The following FLII variants were observed in gnomAD, a reference collection of about 807,000 sequenced individuals.
The protein encoded by FLII is protein flightless-1 homolog.
A neutral mutation model predicts 156.2 loss-of-function variants in FLII; 101 were observed. The observed-to-expected ratio is 0.65, with a 90% CI of 0.55 to 0.76. The LOEUF is 0.76. Among genes scored for constraint, FLII ranks in the 30% least tolerant of loss-of-function variants. The pLI is 0.00. For missense variants in FLII, 1,675 were observed against 1,682.8 expected, an observed-to-expected ratio of 1.00 and a Z score of 0.08; for synonymous variants, 767 against 685.8, an observed-to-expected ratio of 1.12 and a Z score of -1.85.
Position 18,245,475 on chromosome 17 carries a change from C to T in FLII, c.3610-56G>A, listed in dbSNP as rs1180259953. 2.5e-6 allele frequency: 4 copies of T among 1,612,508 alleles called. No homozygotes were observed. The East Asian group carries it at 6.7e-5, about 27-fold the overall frequency. Reference sequence around the variant, plus strand: ...ATGGGTGCCTGGGAACAGCCCCTTGCTCCTGGCCCGAGAATTCCCATTTGT... The same window carrying T: ...ATGGGTGCCTGGGAACAGCCCCTTGTTCCTGGCCCGAGAATTCCCATTTGT... On this transcript the variant is annotated intron_variant, in intron 28 of 29. Coordinates refer to ENST00000327031, the MANE Select transcript of FLII (RefSeq NM_002018.4).
chr17:18,249,157 A>G lies in FLII; in HGVS notation c.1904T>C (p.Val635Ala), dbSNP rs770997341. ...YGKKNIKLEP[V>A]PLKGTSLDPR... ...GTCCAGAGAGGTCCCCTTGAGGGGCACAGGCTCCAACTTGATGTTCTTTTT... is the reference window on the plus strand; with the variant it reads ...GTCCAGAGAGGTCCCCTTGAGGGGCGCAGGCTCCAACTTGATGTTCTTTTT... Residue 635 changes from valine (V) to alanine (A), a missense_variant, in exon 16 of 30, where the codon GTG becomes GCG. This residue lies in a region of FLII where 1,332 missense variants were observed against 1,269.3 expected (regional missense o/e 1.05). Coordinates refer to ENST00000327031, the MANE Select transcript of FLII (RefSeq NM_002018.4). 6.2e-7 allele frequency: 1 copy of G among 1,614,180 alleles called. No individual in the cohort carries two copies. The highest frequency in any genetic ancestry group is 8.5e-7 in the Non-Finnish European group (1 of 1,180,036).
At position 18,255,091 on chromosome 17, in the gene FLII, A is replaced by T. The variant is rs180701774; in HGVS notation, c.327+92T>A. The T allele has an allele frequency of 4.1e-4, 450 of 1,110,892 alleles. 2 individuals carry two copies. In the African/African-American group the frequency reaches 4.9e-3, roughly 12 times the overall value. The allele number at this position is 1,110,892 out of a possible 1,614,324, so 68.8% of individuals were successfully genotyped here. A position where few individuals can be genotyped will look rare whatever the true frequency, so the allele number is the denominator to read the frequency against. Reference sequence around the variant, plus strand: ...AAGACTCAGTTTTCCCATCTGCAAAATGGGATAACAATGGCCCCAGGGACT... The same window carrying T: ...AAGACTCAGTTTTCCCATCTGCAAATTGGGATAACAATGGCCCCAGGGACT... On this transcript the variant is annotated intron_variant, in intron 4 of 29. Transcript: ENST00000327031.
At position 18,256,587 on chromosome 17, in the gene FLII, G is replaced by C; in HGVS notation, c.185C>G (p.Ser62Cys). ...LAALQKLEHL[S>C]VSHNNLTTLH... is the part of the protein sequence containing the mutation. ...CGTGGTCAGGTTGTTGTGGCTCACAGACAAGTGTTCCTGGGCCGGAATGGG... is the reference window on the plus strand; with the variant it reads ...CGTGGTCAGGTTGTTGTGGCTCACACACAAGTGTTCCTGGGCCGGAATGGG... The change falls in exon 3 of 30, where the codon TCT becomes TGT. Residue 62 changes from serine (S) to cysteine (C), a missense_variant. By Grantham distance (112) the Ser-to-Cys change is moderately radical. This residue lies in a region of FLII where 343 missense variants were observed against 413.5 expected (regional missense o/e 0.83). Transcript: ENST00000327031. 6.4e-7 allele frequency: 1 copy of C among 1,551,638 alleles called. No homozygotes were observed. Among genetic ancestry groups the C allele is most frequent in the African/African-American group, 1.4e-5 (1 of 73,192 alleles).
Position 18,251,727 on chromosome 17 carries a change from G to A in FLII, c.1336C>T (p.Leu446=), listed in dbSNP as rs1179951069. 3.1e-6 allele frequency: 5 copies of A among 1,613,932 alleles called. No homozygotes were observed. Among genetic ancestry groups the A allele is most frequent in the African/African-American group, 1.3e-5 (1 of 74,926 alleles). ...TGGGCAACATCTGACATGCCCTTCA[G>A]CACCTGCTTGGCCTGGTCATCCTGG... is the stretch of plus-strand genomic sequence containing the variant. ...SAQDDQAKQV[L]KGMSDVAQEK... Residue 446 remains leucine (L), a synonymous_variant, in exon 12 of 30, where the codon CTG becomes TTG. Coordinates refer to ENST00000327031, the MANE Select transcript of FLII (RefSeq NM_002018.4).
chr17:18,255,308 CAGGA>C (rs776865438), intron 3 of FLII, 45 bp from the exon 4 acceptor site: 4 of 1,503,496 alleles, frequency 2.7e-6, no homozygotes, highest in Non-Finnish European at 2.8e-6. Flanking sequence ...CTTCCACTCT[CAGGA>C]AGGAACAGAG....
chr17:18,246,145 C>G lies in FLII; in HGVS notation c.3267+17G>C, dbSNP rs373074842. The G allele has an allele frequency of 2.0e-5, 32 of 1,614,116 alleles. No individual in the cohort carries two copies. Among genetic ancestry groups the G allele is most frequent in the Non-Finnish European group, 2.6e-5 (31 of 1,179,972 alleles). ...CCCCTTGGTCCACGGAGTCCTGGCT[C>G]ACACCCACAACCCCACCTTGAGGAT... On this transcript the variant is annotated intron_variant, in intron 25 of 29. Transcript: ENST00000327031.
rs1352165961 is a variant in FLII at position 18,248,540 on chromosome 17, C to CA, written c.2190+9dup. 1 of 1,591,842 alleles carries CA rather than the reference C, an allele frequency of 6.3e-7. No individual in the cohort carries two copies. The highest frequency in any genetic ancestry group is 8.6e-7 in the Non-Finnish European group (1 of 1,166,710). ...GGGAGGCCAAGGTGGGCCTCAGCAGCAGGGCTCACCTTGTACAGCTTGGGC... is the reference window on the plus strand; with the variant it reads ...GGGAGGCCAAGGTGGGCCTCAGCAGCAAGGGCTCACCTTGTACAGCTTGGGC... On this transcript the variant is annotated intron_variant, in intron 18 of 29. Coordinates refer to ENST00000327031, the MANE Select transcript of FLII (RefSeq NM_002018.4).
In FLII at chr17:18,246,562, T is replaced by G. The variant is rs1429076198; in HGVS notation, c.3051+32A>C. 2.5e-6 allele frequency: 4 copies of G among 1,612,560 alleles called. No homozygotes were observed. In the Admixed American group the frequency reaches 5.0e-5, roughly 20 times the overall value. On this transcript the variant is annotated intron_variant, in intron 23 of 29. Coordinates refer to ENST00000327031, the MANE Select transcript of FLII (RefSeq NM_002018.4). ...CTGAGCCCCACCACACCCCTCCGCC[T>G]GGCCTCGGGCTCGCGGGGCTGCCAG... is the stretch of plus-strand genomic sequence containing the variant.
rs1193313706 is a variant in FLII at position 18,245,978 on chromosome 17, C to T, written c.3352G>A (p.Glu1118Lys). The change falls in exon 26 of 30, where the codon GAA becomes AAA. Residue 1118 changes from glutamate to lysine, a missense_variant. This residue lies in a region of FLII where 1,332 missense variants were observed against 1,269.3 expected (regional missense o/e 1.05). Coordinates refer to ENST00000327031, the MANE Select transcript of FLII (RefSeq NM_002018.4). ...ASDPDEAKLA[E>K]DILNTMFDTS... Reference sequence around the variant, plus strand: ...TCAAACATGGTGTTCAGGATGTCTTCTGCCAACTTGGCTTCGTCAGGGTCT... The same window carrying T: ...TCAAACATGGTGTTCAGGATGTCTTTTGCCAACTTGGCTTCGTCAGGGTCT... The T allele has an allele frequency of 6.2e-7, 1 of 1,614,142 alleles. No individual in the cohort carries two copies. Among genetic ancestry groups the T allele is most frequent in the East Asian group, 2.2e-5 (1 of 44,866 alleles).
Position 18,247,157 on chromosome 17 carries a change from C to T in FLII, c.2676+12G>A. 3 of 1,433,250 alleles carry T rather than the reference C, an allele frequency of 2.1e-6. No homozygotes were observed. The highest frequency in any genetic ancestry group is 2.8e-6 in the Non-Finnish European group (3 of 1,068,926). 88.8% of individuals were successfully genotyped at this position (1,433,250 alleles called of 1,614,324 possible). A position where few individuals can be genotyped will look rare whatever the true frequency, so the allele number is the denominator to read the frequency against. ...CCCCCCCCCCGCGCCCCGGTCCCGG[C>T]CCTGCCCCCACCTCGGCCAGCGACA... On this transcript the variant is annotated intron_variant, in intron 21 of 29. Transcript: ENST00000327031.
intron 28 of FLII, 36 bp downstream of exon 28, chr17:18,245,519 C>T: frequency 1.2e-6 from 2 of 1,611,616 alleles, no homozygotes; most frequent in Non-Finnish European, 1.7e-6. Flanking sequence ...CTATGGGCGC[C>T]TCCTTGGATG....
chr17:18,252,651 G>C (rs1597915747), intron 9 of FLII, 95 bp from the exon 10 acceptor site: 1 of 970,034 alleles, frequency 1.0e-6, no homozygotes. Context: ...AGGCAGGTAG[G>C]GTCAGAGGAA....
chr17:18,254,461 G>T lies in FLII; in HGVS notation c.575+60C>A. The T allele has an allele frequency of 6.0e-6, 9 of 1,505,816 alleles. No homozygotes were observed. The South Asian group carries it at 1.0e-4, about 17-fold the overall frequency. 93.3% of individuals were successfully genotyped at this position (1,505,816 alleles called of 1,614,324 possible). A position where few individuals can be genotyped will look rare whatever the true frequency, so the allele number is the denominator to read the frequency against. ...AGGGTTAGGGCCCTGGGAAGTGAAG[G>T]GGCCCGGCCAGACTCCTCAGGGTGG... On this transcript the variant is annotated intron_variant, in intron 6 of 29. Coordinates refer to ENST00000327031, the MANE Select transcript of FLII (RefSeq NM_002018.4).
Position 18,246,029 on chromosome 17 carries a change from C to T in FLII, c.3301G>A (p.Val1101Met), listed in dbSNP as rs780551347. The change falls in exon 26 of 30, where the codon GTG becomes ATG. Residue 1101 changes from valine (V) to methionine (M), a missense_variant. By Grantham distance (21) the Val-to-Met change is conservative (BLOSUM62 1). This residue lies in a region of FLII where 1,332 missense variants were observed against 1,269.3 expected (regional missense o/e 1.05). Transcript: ENST00000327031. The stretch of plus-strand genomic sequence containing the variant: ...GATGCCCGGCCCACCCAGGCATACA[C>T]GATGCCCTGGTTGTCCTCACTCTCA... Reference protein sequence around the residue: ...PFESEDNQGIVYAWVGRASDP... With the variant: ...PFESEDNQGIMYAWVGRASDP... The T allele has an allele frequency of 6.0e-5, 97 of 1,614,034 alleles. No individual in the cohort carries two copies. The Middle Eastern group carries it at 8.2e-4, about 14-fold the overall frequency.
chr17:18,248,897 G>T lies in FLII; in HGVS notation c.1935-14C>A, dbSNP rs569796128. ...AGGAAAACAAACCTGGACAAGAAGG[G>T]GCAGGAAGGAGCTGTGATGGTGCAT... On this transcript the variant is annotated splice_polypyrimidine_tract_variant and intron_variant, in intron 16 of 29. Transcript: ENST00000327031. 5.9e-5 allele frequency: 95 copies of T among 1,609,572 alleles called. 1 individual carries two copies. The South Asian group carries it at 1.0e-3, about 17-fold the overall frequency.
Position 18,256,990 on chromosome 17 carries a change from G to A in FLII, c.93C>T (p.Ala31=). Residue 31 remains alanine (A), a synonymous_variant, in exon 2 of 30, where the codon GCC becomes GCT. Coordinates refer to ENST00000327031, the MANE Select transcript of FLII (RefSeq NM_002018.4). ...KGGYFPENVK[A]MTSLRWLKLN... ...GCTTCAGCCACCGCAGGCTGGTCAT[G>A]GCCTTGACATTCTCAGGGAAGTAGC... 6.2e-7 allele frequency: 1 copy of A among 1,611,008 alleles called. No individual in the cohort carries two copies. Among genetic ancestry groups the A allele is most frequent in the Non-Finnish European group, 8.5e-7 (1 of 1,178,772 alleles).
intron 9 of FLII, among the ~76,000 whole-genome samples, 185 bp from the exon 10 acceptor site, chr17:18,252,741 G>A (rs1398329822): frequency 6.6e-6 from 1 of 152,234 alleles, no homozygotes; most frequent in African/African-American, 2.4e-5. Flanking sequence ...ATCTCCAGAA[G>A]GGGAGAGAAG....
At chr17:18,254,392 G>C (rs1451749539) in intron 6 of FLII, 129 bp downstream of exon 6, 13 of 958,390 alleles carry the variant, frequency 1.4e-5, no homozygotes, top group Non-Finnish European at 2.0e-5. Flanking sequence ...GTTGTACACT[G>C]AGGGGTGCTG....
chr17:18,255,995 T>A (rs2048404504), intron 3 of FLII, among the ~76,000 whole-genome samples: 1 of 152,238 alleles, frequency 6.6e-6, no homozygotes, highest in Admixed American at 6.5e-5. Context: ...TGACTTCAGA[T>A]GGGATGGCCC....
Sources: gnomAD v4.1 joint callset for allele counts (sites outside exome capture counted in the v4.1 genomes callset) on GRCh38, gnomAD v4.1.1 for gene constraint, gnomAD v4.1.1 regional missense constraint, MANE v1.5 for transcripts, NCBI Gene and HGNC (gene_info 2026-07-23, HGNC 2026-07-21) for gene names.